CLPB: variants seen among roughly 807,000 people sequenced by gnomAD.
The protein encoded by CLPB is mitochondrial disaggregase.
Under a neutral mutation model 78.4 loss-of-function variants are expected in CLPB, and 40 were observed. That is an observed-to-expected ratio of 0.51 (90% CI 0.40 to 0.66). The LOEUF (loss-of-function observed/expected upper bound fraction) is 0.66, where lower values mean the gene tolerates loss of function less well. CLPB is among the 30% of genes least tolerant of loss of function. The probability of loss-of-function intolerance (pLI) is 0.00; values close to 1 mark genes in which losing one functional copy is unlikely to be tolerated. For missense variants in CLPB, 780 were observed against 886.9 expected, an observed-to-expected ratio of 0.88 and a Z score of 1.53; for synonymous variants, 333 against 348.0, an observed-to-expected ratio of 0.96 and a Z score of 0.48.
chr11:72,408,039 C>T (rs1389336327), intron 2 of CLPB: 2 of 1,081,728 alleles, frequency 1.8e-6, no homozygotes, highest in East Asian at 2.6e-5. Context: ...ACAATCCTCC[C>T]AGTGTCATAG....
chr11:72,297,209 C>A (rs1307179723), intron 11 of CLPB, among the ~76,000 whole-genome samples: 1 of 152,248 alleles, frequency 6.6e-6, no homozygotes, highest in Non-Finnish European at 1.5e-5. Flanking sequence ...TCACTGACCT[C>A]AGCCTGTTGG....
rs747989747 is a variant in CLPB, at chr11:72,434,322, G to A, written c.153C>T (p.Ala51=). 7 of 1,612,386 alleles carry A rather than the reference G, an allele frequency of 4.3e-6. No homozygotes were observed. Among genetic ancestry groups the A allele is most frequent in the Non-Finnish European group, 5.9e-6 (7 of 1,179,786 alleles). Reference sequence around the variant, plus strand: ...GCGATGTTCCAGGGCGCCCCCCGGTGGCTACCCTCAGCCACTGCGGCTCCC... The same window carrying A: ...GCGATGTTCCAGGGCGCCCCCCGGTAGCTACCCTCAGCCACTGCGGCTCCC... ...SLGEPQWLRV[A]TGGRPGTSPA... is the part of the protein sequence containing the mutation. Residue 51 remains alanine, a synonymous_variant, in exon 1 of 16, where the codon GCC becomes GCT. Transcript: ENST00000538039.
intron 3 of CLPB, among the ~76,000 whole-genome samples, chr11:72,391,048 C>T (rs556908839): frequency 6.6e-6 from 1 of 152,180 alleles, no homozygotes; most frequent in South Asian, 2.1e-4. Context: ...GTGTTGAAGT[C>T]CTATCTCTTT....
At chr11:72,374,393 G>A (rs759869669) in intron 4 of CLPB, among the ~76,000 whole-genome samples, 6 of 152,180 alleles carry the variant, frequency 3.9e-5, no homozygotes, top group Non-Finnish European at 7.4e-5. Context: ...GAATCATTCA[G>A]ATATCTGGTA....
At chr11:72,387,786 G>A (rs184233992) in intron 3 of CLPB, among the ~76,000 whole-genome samples, 1 of 152,268 alleles carries the variant, frequency 6.6e-6, no homozygotes, top group East Asian at 1.9e-4. Flanking sequence ...ACTCATGCTG[G>A]AATAGTCCTG....
At chr11:72,385,983 A>G (rs1451085696) in intron 3 of CLPB, among the ~76,000 whole-genome samples, 1 of 151,964 alleles carries the variant, frequency 6.6e-6, no homozygotes, top group Non-Finnish European at 1.5e-5. Flanking sequence ...GGATAAATTC[A>G]TATGAGATAA....
intron 3 of CLPB, among the ~76,000 whole-genome samples, chr11:72,383,799 T>C (rs1854993246): frequency 6.6e-6 from 1 of 152,186 alleles, no homozygotes; most frequent in South Asian, 2.1e-4. Context: ...TGAGGGAGTT[T>C]ATCACCACCA....
At chr11:72,415,170 C>T (rs914954901) in intron 2 of CLPB, among the ~76,000 whole-genome samples, 2 of 152,034 alleles carry the variant, frequency 1.3e-5, no homozygotes, top group East Asian at 1.9e-4. Flanking sequence ...AAGCCAAGAT[C>T]GCACCACTGC....
At chr11:72,408,298 T>C (rs1182579044) in intron 2 of CLPB, 3 of 892,052 alleles carry the variant, frequency 3.4e-6, no homozygotes, top group African/African-American at 1.7e-5. Flanking sequence ...AAATGGAAGA[T>C]ATTAATCCCT....
chr11:72,408,022 G>A (rs1235582809), intron 2 of CLPB: 3 of 954,488 alleles, frequency 3.1e-6, no homozygotes, highest in Non-Finnish European at 4.8e-6. Context: ...TAGGTCCAAT[G>A]AGGATCACAA....
At position 72,397,304 on chromosome 11, in the gene CLPB, T is replaced by G. The variant is rs140589320; in HGVS notation, c.542+5662A>C. ...TGGACATTGCATTATATCCAGTTTT[T>G]GGTGGTCATGAATAAAGCTGCTATA... is the stretch of plus-strand genomic sequence containing the variant. On this transcript the variant is annotated intron_variant, in intron 3 of 15. Transcript: ENST00000538039. Among the ~76,000 whole-genome samples, 1,010 of 152,368 alleles carry G rather than the reference T, an allele frequency of 6.6e-3. 11 individuals carry two copies. The highest frequency in any genetic ancestry group is 0.023 in the African/African-American group (967 of 41,588).
chr11:72,328,976 T>C (rs146587866), intron 6 of CLPB, among the ~76,000 whole-genome samples: 1 of 152,326 alleles, frequency 6.6e-6, no homozygotes, highest in East Asian at 1.9e-4. Flanking sequence ...CTCCTTCAAC[T>C]CGAACAACTC....
At chr11:72,345,426 A>G (rs568164372) in intron 5 of CLPB, among the ~76,000 whole-genome samples, 2 of 152,382 alleles carry the variant, frequency 1.3e-5, no homozygotes, top group Admixed American at 6.5e-5. Flanking sequence ...CGACATATAC[A>G]GTATGCTACC....
At chr11:72,372,870 A>G in intron 4 of CLPB, 1 of 1,482,876 alleles carries the variant, frequency 6.7e-7, no homozygotes, top group Admixed American at 1.7e-5. Context: ...AGATGAGACC[A>G]TCCTTGGCAT....
intron 2 of CLPB, among the ~76,000 whole-genome samples, chr11:72,407,519 G>A (rs1855744001): frequency 6.6e-6 from 1 of 152,142 alleles, no homozygotes; most frequent in African/African-American, 2.4e-5. Flanking sequence ...TCCTGGAAGA[G>A]GCATTTCTCT....
At chr11:72,347,983 A>C (rs1950545979) in intron 5 of CLPB, among the ~76,000 whole-genome samples, 2 of 152,216 alleles carry the variant, frequency 1.3e-5, no homozygotes, top group Non-Finnish European at 2.9e-5. Context: ...GAAGCTGGGA[A>C]AGACAGGAAA....
At chr11:72,342,159 CAT>C (rs1362287882) in intron 5 of CLPB, among the ~76,000 whole-genome samples, 1 of 152,020 alleles carries the variant, frequency 6.6e-6, no homozygotes, top group Non-Finnish European at 1.5e-5. Context: ...GATTTGGACG[CAT>C]TGAGGATGAG....
Position 72,380,277 on chromosome 11 carries a change from T to C in CLPB, c.646+4A>G. 6.2e-7 allele frequency: 1 copy of C among 1,609,916 alleles called. No individual in the cohort carries two copies. The highest frequency in any genetic ancestry group is 8.5e-7 in the Non-Finnish European group (1 of 1,176,186). Reference sequence around the variant, plus strand: ...CTCAGAGAAGCAGGACAGCCCACACTTACCTTCCAAAGAATGGATTCCCTG... The same window carrying C: ...CTCAGAGAAGCAGGACAGCCCACACCTACCTTCCAAAGAATGGATTCCCTG... On this transcript the variant is annotated splice_donor_region_variant and intron_variant, in intron 4 of 15. Coordinates refer to ENST00000538039, the MANE Select transcript of CLPB (RefSeq NM_001258392.3).
At chr11:72,323,377 G>T (rs1950076609) in intron 6 of CLPB, among the ~76,000 whole-genome samples, 1 of 151,896 alleles carries the variant, frequency 6.6e-6, no homozygotes, top group African/African-American at 2.4e-5. Context: ...GACCATCCTA[G>T]CCAACATGGT....
Sources: gnomAD v4.1 joint callset for allele counts (sites outside exome capture counted in the v4.1 genomes callset) on GRCh38, gnomAD v4.1.1 for gene constraint, MANE v1.5 for transcripts, NCBI Gene and HGNC (gene_info 2026-07-23, HGNC 2026-07-21) for gene names.